TMEM163: variants seen among roughly 807,000 people sequenced by gnomAD.
The protein encoded by TMEM163 is transmembrane protein 163.
TMEM163 carries 17 observed loss-of-function variants against 29.3 expected under a neutral mutation model. The ratio of observed to expected loss-of-function variants is 0.58; its 90% CI spans 0.40 to 0.87. The LOEUF is 0.87. Ranked by LOEUF, TMEM163 falls within the 40% of genes least tolerant of loss-of-function variation. The probability of loss-of-function intolerance (pLI) is 0.00; values close to 1 mark genes in which losing one functional copy is unlikely to be tolerated. For synonymous variants in TMEM163, 157 were observed against 160.6 expected, an observed-to-expected ratio of 0.98 and a Z score of 0.17; for missense variants, 303 against 381.5, an observed-to-expected ratio of 0.79 and a Z score of 1.71.
At chr2:134,503,083 A>C in intron 4 of TMEM163, 86 bp from the exon 5 acceptor site, 1 of 1,318,368 alleles carries the variant, frequency 7.6e-7, no homozygotes, top group Non-Finnish European at 1.1e-6. Flanking sequence ...CAAAGACACA[A>C]TCTGGGAATG....
intron 7 of TMEM163, 44 bp downstream of exon 7, chr2:134,457,988 C>G: frequency 1.2e-6 from 2 of 1,613,222 alleles, no homozygotes; most frequent in Non-Finnish European, 1.7e-6. Context: ...AAAAGGGACA[C>G]TCCTAGCTGC....
intron 2 of TMEM163, among the ~76,000 whole-genome samples, chr2:134,632,608 T>G (rs72970157): frequency 0.043 from 6,621 of 152,282 alleles, 480 homozygotes; most frequent in African/African-American, 0.15. Flanking sequence ...GCTTCACAGG[T>G]GCCACCTTGT....
intron 2 of TMEM163, among the ~76,000 whole-genome samples, chr2:134,595,032 G>C (rs1162073793): frequency 6.6e-6 from 1 of 152,004 alleles, no homozygotes; most frequent in African/African-American, 2.4e-5. Flanking sequence ...TGCATATTCT[G>C]AATGAGATTA....
intron 2 of TMEM163, among the ~76,000 whole-genome samples, chr2:134,660,680 A>G (rs2104858185): frequency 6.6e-6 from 1 of 152,316 alleles, no homozygotes; most frequent in South Asian, 2.1e-4. Flanking sequence ...GACATCCACC[A>G]TGGAGTCAGT....
intron 2 of TMEM163, among the ~76,000 whole-genome samples, chr2:134,691,097 G>T (rs1684454400): frequency 6.6e-6 from 1 of 152,172 alleles, no homozygotes; most frequent in Admixed American, 6.5e-5. Context: ...GAAATAGGAG[G>T]GCAGTGGTTC....
chr2:134,634,812 A>C (rs955263558), intron 2 of TMEM163, among the ~76,000 whole-genome samples: 5 of 152,400 alleles, frequency 3.3e-5, no homozygotes, highest in Non-Finnish European at 7.3e-5. Flanking sequence ...AGAAACAGGC[A>C]GTGGTTGGCC....
intron 2 of TMEM163, among the ~76,000 whole-genome samples, chr2:134,595,800 C>T (rs1425680971): frequency 5.3e-5 from 8 of 152,158 alleles, no homozygotes; most frequent in African/African-American, 1.9e-4. Context: ...TTTTTAATGA[C>T]TGCCATTCTA....
chr2:134,627,055 C>G (rs1382897963), intron 2 of TMEM163, among the ~76,000 whole-genome samples: 2 of 152,146 alleles, frequency 1.3e-5, no homozygotes. Context: ...AAAGCATTGC[C>G]AATTCAATAG....
At chr2:134,551,089 G>C (rs1680909754) in intron 3 of TMEM163, among the ~76,000 whole-genome samples, 1 of 152,186 alleles carries the variant, frequency 6.6e-6, no homozygotes, top group South Asian at 2.1e-4. Context: ...GGGGTCACCA[G>C]GACCTGCAAT....
At chr2:134,584,298 C>T (rs1011033106) in intron 2 of TMEM163, among the ~76,000 whole-genome samples, 6 of 152,314 alleles carry the variant, frequency 3.9e-5, no homozygotes, top group African/African-American at 7.2e-5. Flanking sequence ...TGCCAAGAGA[C>T]GGCTGCATCA....
At chr2:134,513,192 T>C (rs1252507374) in intron 4 of TMEM163, among the ~76,000 whole-genome samples, 1 of 152,170 alleles carries the variant, frequency 6.6e-6, no homozygotes, top group Non-Finnish European at 1.5e-5. Flanking sequence ...AGGATACAGT[T>C]ACCATTTCTG....
intron 2 of TMEM163, among the ~76,000 whole-genome samples, chr2:134,584,164 T>C (rs1276205720): frequency 6.6e-5 from 10 of 152,194 alleles, no homozygotes; most frequent in Admixed American, 3.9e-4. Flanking sequence ...CTTGCCCTGC[T>C]CCAGGATAAA....
In TMEM163 at chr2:134,645,808, G is replaced by A. The variant is rs1183494812; in HGVS notation, c.322+67392C>T. Among the ~76,000 whole-genome samples, 3 of 152,150 alleles carry A rather than the reference G, an allele frequency of 2.0e-5. No homozygotes were observed. The East Asian group carries it at 5.8e-4, about 29-fold the overall frequency. ...ACAGATCAGTGGTTGCCAGGCTTTAGGTGTTGGGGGTATATATAAAGTGAC... is the reference window on the plus strand; with the variant it reads ...ACAGATCAGTGGTTGCCAGGCTTTAAGTGTTGGGGGTATATATAAAGTGAC... On this transcript the variant is annotated intron_variant, in intron 2 of 7. Coordinates refer to ENST00000281924, the MANE Select transcript of TMEM163 (RefSeq NM_030923.5).
At chr2:134,524,660 G>C (rs1418403467) in intron 4 of TMEM163, among the ~76,000 whole-genome samples, 1 of 150,174 alleles carries the variant, frequency 6.7e-6, no homozygotes, top group Non-Finnish European at 1.5e-5. Context: ...GAGGATGATG[G>C]CTTCCAGTTC....
chr2:134,460,081 C>CG lies in TMEM163; in HGVS notation c.668-1909_668-1908insC, dbSNP rs1467665220. ...GAGCCCCTTGCCAGATGTTACCCCC[C>CG]CCCAAATTCATTCTCACTCTCCCCG... On this transcript the variant is annotated intron_variant, in intron 6 of 7. Transcript: ENST00000281924. The surrounding 1 kb of genome is among the most constrained non-coding windows in gnomAD (Gnocchi z 4.3). 4.1e-5 allele frequency among the ~76,000 whole-genome samples: 6 copies of CG among 147,392 alleles called. No homozygotes were observed. Among genetic ancestry groups the CG allele is most frequent in the African/African-American group, 5.1e-5 (2 of 39,486 alleles).
intron 2 of TMEM163, among the ~76,000 whole-genome samples, chr2:134,650,537 GT>G (rs901665616): frequency 7.1e-6 from 1 of 140,318 alleles, no homozygotes; most frequent in African/African-American, 2.9e-5. Context: ...TGTTTGTTTT[GT>G]TTTTTGTTTT....
intron 2 of TMEM163, among the ~76,000 whole-genome samples, chr2:134,556,840 TTAA>T (rs1475730621): frequency 2.0e-5 from 3 of 152,130 alleles, no homozygotes; most frequent in African/African-American, 7.2e-5. Context: ...TTTAGAAAAA[TTAA>T]TACTGTTTAA....
At chr2:134,618,982 A>C (rs984684366) in intron 2 of TMEM163, among the ~76,000 whole-genome samples, 1 of 152,224 alleles carries the variant, frequency 6.6e-6, no homozygotes, top group Non-Finnish European at 1.5e-5. Context: ...AATTGAAATT[A>C]AGAAAAAATA....
At chr2:134,484,926 TTCTA>T (rs1679277248) in intron 5 of TMEM163, among the ~76,000 whole-genome samples, 1 of 152,204 alleles carries the variant, frequency 6.6e-6, no homozygotes, top group Admixed American at 6.5e-5. Context: ...GAGAGTTACT[TTCTA>T]TAATAAGCCT....
Sources: gnomAD v4.1 joint callset for allele counts (sites outside exome capture counted in the v4.1 genomes callset) on GRCh38, gnomAD v4.1.1 for gene constraint, Gnocchi (gnomAD v3.1) non-coding constraint, MANE v1.5 for transcripts, NCBI Gene and HGNC (gene_info 2026-07-23, HGNC 2026-07-21) for gene names.